MAP1LC3B2: variants seen among roughly 807,000 people sequenced by gnomAD.
MAP1LC3B2 encodes microtubule-associated protein 1 light chain 3 beta 2.
For synonymous variants in MAP1LC3B2, 62 were observed against 57.8 expected (o/e 1.07, Z -0.33); for missense variants, 155 against 154.6 (o/e 1.00, Z -0.01).
intron 1 of MAP1LC3B2, among the ~76,000 whole-genome samples, chr12:116,567,984 A>G (rs1206588013): frequency 6.6e-6 from 1 of 152,174 alleles, no homozygotes; most frequent in Non-Finnish European, 1.5e-5. Context: ...GCCCAGCACA[A>G]TGCCTGATCT....
At chr12:116,564,548 T>C (rs1437420794) in intron 1 of MAP1LC3B2, among the ~76,000 whole-genome samples, 1 of 152,214 alleles carries the variant, frequency 6.6e-6, no homozygotes, top group Non-Finnish European at 1.5e-5. Flanking sequence ...CATTCTGGCT[T>C]GCTAAGATTT....
At chr12:116,575,527 G>A (rs892051752) in intron 1 of MAP1LC3B2, among the ~76,000 whole-genome samples, 4 of 152,132 alleles carry the variant, frequency 2.6e-5, no homozygotes, top group African/African-American at 9.7e-5. Flanking sequence ...GGCAGGGTGG[G>A]CCTGCCTTCC....
At chr12:116,574,157 T>A (rs2136964501) in intron 1 of MAP1LC3B2, among the ~76,000 whole-genome samples, 1 of 152,200 alleles carries the variant, frequency 6.6e-6, no homozygotes, top group South Asian at 2.1e-4. Context: ...AGGACTCCTA[T>A]TTCTGAGAAT....
chr12:116,576,348 A>C lies in MAP1LC3B2; in HGVS notation c.*28A>C. 1 of 1,594,176 alleles carries C rather than the reference A, an allele frequency of 6.3e-7. No individual in the cohort carries two copies. The highest frequency in any genetic ancestry group is 8.5e-7 in the Non-Finnish European group (1 of 1,174,132). ...CCAGAAAAAATGCATCTCTTCTAGA[A>C]TTTTTTAAACCCTTACCAAGGAAAA... On this transcript the variant is annotated 3_prime_UTR_variant, in exon 2 of 2. Transcript: ENST00000556529.
Position 116,571,503 on chromosome 12 carries a change from C to T in MAP1LC3B2, c.-101-4339C>T, listed in dbSNP as rs190353527. 5.7e-4 allele frequency among the ~76,000 whole-genome samples: 40 copies of T among 70,302 alleles called. No homozygotes were observed. The East Asian group carries it at 0.025, about 43-fold the overall frequency. 46.1% of individuals were successfully genotyped at this position (70,302 alleles called of 152,430 possible). A position where few individuals can be genotyped will look rare whatever the true frequency, so the allele number is the denominator to read the frequency against. On this transcript the variant is annotated intron_variant, in intron 1 of 1. Coordinates refer to ENST00000556529, the MANE Select transcript of MAP1LC3B2 (RefSeq NM_001085481.3). ...TTTTTTTTTTTTTTTTTTTTTGAGA[C>T]GGAGTCTCATTCTGTCGCCCAGGCT...
chr12:116,561,538 A>G (rs924856940), intron 1 of MAP1LC3B2, among the ~76,000 whole-genome samples: 3 of 152,310 alleles, frequency 2.0e-5, no homozygotes, highest in Non-Finnish European at 1.5e-5. Context: ...CCCAGACTTC[A>G]TAACGATCAG....
At chr12:116,565,733 C>T (rs538933597) in intron 1 of MAP1LC3B2, among the ~76,000 whole-genome samples, 1 of 152,264 alleles carries the variant, frequency 6.6e-6, no homozygotes, top group South Asian at 2.1e-4. Flanking sequence ...GAGGACAAGA[C>T]ACTTTGGTTA....
intron 1 of MAP1LC3B2, among the ~76,000 whole-genome samples, chr12:116,569,005 A>G (rs1592867653): frequency 6.6e-6 from 1 of 151,252 alleles, no homozygotes; most frequent in African/African-American, 2.4e-5. Context: ...GATTACAGGC[A>G]CCCACCACCA....
At position 116,576,371 on chromosome 12, in the gene MAP1LC3B2, A is replaced by T; in HGVS notation, c.*51A>T. 2 of 1,475,522 alleles carry T rather than the reference A, an allele frequency of 1.4e-6. No homozygotes were observed. The highest frequency in any genetic ancestry group is 2.6e-5 in the East Asian group (1 of 39,048). The allele number at this position is 1,475,522 out of a possible 1,614,324, so 91.4% of individuals were successfully genotyped here. On this transcript the variant is annotated 3_prime_UTR_variant, in exon 2 of 2. Coordinates refer to ENST00000556529, the MANE Select transcript of MAP1LC3B2 (RefSeq NM_001085481.3). ...GAATTTTTTAAACCCTTACCAAGGA[A>T]AAAAAAAGGGATGTTACCAACTGAG...
intron 1 of MAP1LC3B2, among the ~76,000 whole-genome samples, chr12:116,569,410 C>G (rs1339283520): frequency 1.3e-5 from 2 of 152,166 alleles, no homozygotes; most frequent in Non-Finnish European, 2.9e-5. Context: ...AAACATACCT[C>G]TCTTACTACT....
intron 1 of MAP1LC3B2, among the ~76,000 whole-genome samples, chr12:116,571,013 C>A (rs1009780357): frequency 1.1e-4 from 17 of 152,138 alleles, no homozygotes; most frequent in Non-Finnish European, 2.9e-5. Context: ...ACCATGATTT[C>A]TCTGTAATGT....
chr12:116,565,554 G>T (rs1458395263), intron 1 of MAP1LC3B2, among the ~76,000 whole-genome samples: 1 of 152,150 alleles, frequency 6.6e-6, no homozygotes, highest in African/African-American at 2.4e-5. Context: ...ATGGGATTTG[G>T]GTGGGGACAC....
chr12:116,570,315 G>C (rs531672793), intron 1 of MAP1LC3B2, among the ~76,000 whole-genome samples: 2 of 152,258 alleles, frequency 1.3e-5, no homozygotes, highest in East Asian at 3.9e-4. Context: ...TTTGCTGTTA[G>C]TACAGCATTC....
At chr12:116,565,692 TCA>T (rs777989680) in intron 1 of MAP1LC3B2, among the ~76,000 whole-genome samples, 6 of 152,148 alleles carry the variant, frequency 3.9e-5, no homozygotes, top group Non-Finnish European at 8.8e-5. Context: ...TATGGTCTAG[TCA>T]CAGTCATGGG....
chr12:116,575,974 G>T lies in MAP1LC3B2; in HGVS notation c.32G>T (p.Arg11Leu). MPSEKTFKQR[R>L]TFEQRVEDVR... The stretch of plus-strand genomic sequence containing the variant: ...TCGGAGAAGACCTTCAAGCAGCGGC[G>T]CACCTTCGAACAAAGAGTAGAAGAT... The change falls in exon 2 of 2, where the codon CGC (arginine) becomes CTC (leucine). Residue 11 changes from arginine to leucine, a missense_variant. Transcript: ENST00000556529. The T allele has an allele frequency of 6.2e-7, 1 of 1,614,156 alleles. No individual in the cohort carries two copies. Among genetic ancestry groups the T allele is most frequent in the Non-Finnish European group, 8.5e-7 (1 of 1,180,032 alleles).
intron 1 of MAP1LC3B2, among the ~76,000 whole-genome samples, chr12:116,571,933 T>C (rs1345509570): frequency 6.6e-6 from 1 of 150,638 alleles, no homozygotes; most frequent in Admixed American, 6.7e-5. Flanking sequence ...AACAACATAC[T>C]TCTTGTTTGT....
chr12:116,575,909 G>T lies in MAP1LC3B2; in HGVS notation c.-34G>T, dbSNP rs773992240. ...ACCCCCAGGAGCCGCCGGGACCCTC[G>T]CGTCGTCGCCGCCGCGGCCCAGATC... On this transcript the variant is annotated 5_prime_UTR_variant, in exon 2 of 2. Coordinates refer to ENST00000556529, the MANE Select transcript of MAP1LC3B2 (RefSeq NM_001085481.3). 5.6e-6 allele frequency: 9 copies of T among 1,613,252 alleles called. No individual in the cohort carries two copies. The Admixed American group carries it at 1.5e-4, about 27-fold the overall frequency.
At chr12:116,563,859 AT>A (rs539677904) in intron 1 of MAP1LC3B2, among the ~76,000 whole-genome samples, 3 of 150,604 alleles carry the variant, frequency 2.0e-5, no homozygotes, top group South Asian at 2.1e-4. Flanking sequence ...GGATTTACTG[AT>A]TTTTTTTTCT....
intron 1 of MAP1LC3B2, among the ~76,000 whole-genome samples, chr12:116,575,208 T>G (rs1292353754): frequency 1.3e-5 from 2 of 149,524 alleles, no homozygotes; most frequent in African/African-American, 4.9e-5. Flanking sequence ...CAAGCAAATA[T>G]TATTCAATTT....
Sources: allele counts gnomAD v4.1 joint callset (sites outside exome capture counted in the v4.1 genomes callset), GRCh38; gene constraint gnomAD v4.1.1; transcripts MANE v1.5; gene names NCBI Gene and HGNC (gene_info 2026-07-23, HGNC 2026-07-21).